Variants in TECTA observed in about 807,000 individuals in gnomAD.
TECTA encodes the protein alpha-tectorin.
Under a neutral mutation model 216.8 loss-of-function variants are expected in TECTA, and 128 were observed. That is an observed-to-expected ratio of 0.59 (90% CI 0.51 to 0.68). The LOEUF is 0.68. Among genes scored for constraint, TECTA ranks in the 30% least tolerant of loss-of-function variants. TECTA has a pLI of 0.00. For synonymous variants in TECTA, 1,089 were observed against 1,117.1 expected (o/e 0.97, Z 0.50); for missense variants, 2,551 against 2,786.2 (o/e 0.92, Z 1.90).
chr11:121,168,216 A>G lies in TECTA; in HGVS notation c.5749A>G (p.Ser1917Gly), dbSNP rs1947074938. Residue 1917 changes from serine (S) to glycine (G), a missense_variant and splice_region_variant, in exon 19 of 24, where the codon AGT (serine) becomes GGT (glycine). Around this residue, in one of 3 missense-constraint regions of TECTA, gnomAD observed 2,375 missense variants for 2,563.9 expected, o/e 0.93. Coordinates refer to ENST00000392793, the MANE Select transcript of TECTA (RefSeq NM_005422.4). ...GGATTCTGTTGTGAAGCCTATGCTA[A>G]GGTAAGGTGTCTCCTGGGCTGTGCA... ...SLDSVVKPML[S>G]VINLTVPTQE... is the part of the protein sequence containing the mutation. 1.2e-6 allele frequency: 2 copies of G among 1,614,200 alleles called. No individual in the cohort carries two copies. The highest frequency in any genetic ancestry group is 1.7e-6 in the Non-Finnish European group (2 of 1,179,994).
In TECTA at chr11:121,187,991, A is replaced by T. The variant is rs1306981710; in HGVS notation, c.6159A>T (p.Lys2053Asn). 6.2e-7 allele frequency: 1 copy of T among 1,614,160 alleles called. No individual in the cohort carries two copies. The highest frequency in any genetic ancestry group is 8.5e-7 in the Non-Finnish European group (1 of 1,180,044). The change falls in exon 21 of 24, where the codon AAA (lysine) becomes AAT (asparagine). Residue 2053 changes from lysine (K) to asparagine (N), a missense_variant. Physicochemically the swap from Lys to Asn is moderately conservative, Grantham distance 94. Around this residue, in one of 3 missense-constraint regions of TECTA, gnomAD observed 58 missense variants for 105.9 expected, o/e 0.55. Transcript: ENST00000392793. The part of the protein sequence containing the change: ...SLCDSEKYSC[K>N]ITCPHNSRIA... The stretch of plus-strand genomic sequence containing the variant: ...GCGACTCAGAAAAGTACTCCTGTAA[A>T]ATCGTAAGTGAGAGTGTGAAAACAA...
intron 13 of TECTA, among the ~76,000 whole-genome samples, chr11:121,155,287 C>T (rs1274003300): frequency 1.3e-5 from 2 of 152,214 alleles, no homozygotes; most frequent in Non-Finnish European, 2.9e-5. Context: ...GTTATTTACC[C>T]TTTATCGTAT....
Position 121,137,943 on chromosome 11 carries a change from C to T in TECTA, c.3464C>T (p.Ala1155Val), listed in dbSNP as rs905414151. The T allele has an allele frequency of 1.2e-6, 2 of 1,611,162 alleles. No homozygotes were observed. The highest frequency in any genetic ancestry group is 4.5e-5 in the East Asian group (2 of 44,734). ...AATGAGGACCGGGACCCGTCACTGG[C>T]CTTGTGGGTTAAGCAGGTGGACGTG... ...AKNEDRDPSL[A>V]LWVKQVDVTV... The change falls in exon 11 of 24, where the codon GCC becomes GTC. Residue 1155 changes from alanine (A) to valine (V), a missense_variant. This residue lies in a region of TECTA where 2,375 missense variants were observed against 2,563.9 expected (regional missense o/e 0.93). Transcript: ENST00000392793.
At chr11:121,115,333 A>G (rs1318372805) in intron 6 of TECTA, among the ~76,000 whole-genome samples, 1 of 152,196 alleles carries the variant, frequency 6.6e-6, no homozygotes, top group Non-Finnish European at 1.5e-5. Flanking sequence ...TAAGAGCCCC[A>G]TTGAAATGCC....
intron 3 of TECTA, among the ~76,000 whole-genome samples, chr11:121,108,530 A>G (rs551412108): frequency 5.8e-5 from 8 of 137,346 alleles, no homozygotes; most frequent in Admixed American, 4.3e-4. Flanking sequence ...ACACACTCCA[A>G]TATACACACA....
chr11:121,118,633 C>T lies in TECTA; in HGVS notation c.1118C>T (p.Ser373Leu), dbSNP rs1322690230. The change falls in exon 7 of 24, where the codon TCA (serine) becomes TTA (leucine). Residue 373 changes from serine (S) to leucine (L), a missense_variant. This residue lies in a region of TECTA where 2,375 missense variants were observed against 2,563.9 expected (regional missense o/e 0.93). Transcript: ENST00000392793. ...GCCAAGAATGAACACCGCAGAGGTTCAGCCGTCTCCTGGGTGAAGGAGCTC... is the reference window on the plus strand; with the variant it reads ...GCCAAGAATGAACACCGCAGAGGTTTAGCCGTCTCCTGGGTGAAGGAGCTC... ...VEAKNEHRRG[S>L]AVSWVKELSV... The T allele has an allele frequency of 1.2e-6, 2 of 1,613,966 alleles. No individual in the cohort carries two copies. The highest frequency in any genetic ancestry group is 8.5e-7 in the Non-Finnish European group (1 of 1,180,006).
intron 18 of TECTA, among the ~76,000 whole-genome samples, 183 bp downstream of exon 18, chr11:121,166,963 T>C (rs888658181): frequency 4.6e-5 from 7 of 152,242 alleles, no homozygotes; most frequent in African/African-American, 1.7e-4. Context: ...TGCTAAGTGA[T>C]TGACGGAGTT....
chr11:121,135,769 G>C (rs143012583), intron 10 of TECTA, among the ~76,000 whole-genome samples: 2 of 152,342 alleles, frequency 1.3e-5, no homozygotes, highest in Non-Finnish European at 2.9e-5. Flanking sequence ...TTAAAGGCGA[G>C]ATCTTATTTT....
chr11:121,180,318 GA>G (rs1343851103), intron 20 of TECTA, among the ~76,000 whole-genome samples: 1 of 152,114 alleles, frequency 6.6e-6, no homozygotes, highest in East Asian at 1.9e-4. Context: ...GCCTGGTGGT[GA>G]ATTCCCTCAG....
rs1374827698 is a variant in TECTA, at chr11:121,129,873, C to T, written c.2603C>T (p.Thr868Met). The T allele has an allele frequency of 5.0e-6, 8 of 1,614,108 alleles. No individual in the cohort carries two copies. The African/African-American group carries it at 5.3e-5, about 11-fold the overall frequency. ...TTCTGTCTCCCCAACGGCAAGTGCA[C>T]GGACAACCTGGCAGTGTTCCTGGAA... ...DEFCLPNGKC[T>M]DNLAVFLESW... Residue 868 changes from threonine to methionine, a missense_variant, in exon 10 of 24, where the codon ACG (threonine) becomes ATG (methionine). By Grantham distance (81) the Thr-to-Met change is moderately conservative. This residue lies in a region of TECTA where 2,375 missense variants were observed against 2,563.9 expected (regional missense o/e 0.93). Transcript: ENST00000392793.
At chr11:121,155,103 G>T (rs1344662117) in intron 13 of TECTA, among the ~76,000 whole-genome samples, 1 of 152,146 alleles carries the variant, frequency 6.6e-6, no homozygotes, top group Non-Finnish European at 1.5e-5. Context: ...AGTGCCTGGG[G>T]ACTTGTTCAT....
intron 3 of TECTA, among the ~76,000 whole-genome samples, chr11:121,106,669 G>T (rs1403618711): frequency 6.6e-6 from 1 of 152,144 alleles, no homozygotes; most frequent in African/African-American, 2.4e-5. Flanking sequence ...CTGGGTGAGG[G>T]ATTATACCAC....
intron 22 of TECTA, among the ~76,000 whole-genome samples, chr11:121,189,452 C>A (rs1380656073): frequency 1.3e-5 from 2 of 151,780 alleles, no homozygotes; most frequent in South Asian, 2.1e-4. Context: ...TGGCTCACTG[C>A]AAGCTCCGCC....
intron 18 of TECTA, 136 bp from the exon 19 acceptor site, chr11:121,167,918 C>T (rs1947071088): frequency 1.0e-6 from 1 of 984,216 alleles, no homozygotes; most frequent in African/African-American, 1.6e-5. Context: ...AAGGCTAGCT[C>T]CATGCTGATT....
At chr11:121,154,072 G>C (rs1176600726) in intron 13 of TECTA, among the ~76,000 whole-genome samples, 1 of 152,148 alleles carries the variant, frequency 6.6e-6, no homozygotes, top group Non-Finnish European at 1.5e-5. Context: ...CAAGAGATCA[G>C]TTACAAAATA....
At chr11:121,162,978 TAGG>T (rs912288405) in intron 16 of TECTA, among the ~76,000 whole-genome samples, 37 of 152,354 alleles carry the variant, frequency 2.4e-4, no homozygotes, top group African/African-American at 7.7e-4. Context: ...GTTAATCAAA[TAGG>T]AGAACAATTA....
intron 17 of TECTA, among the ~76,000 whole-genome samples, chr11:121,165,706 A>G (rs374880407): frequency 1.5e-4 from 23 of 152,320 alleles, no homozygotes; most frequent in African/African-American, 5.3e-4. Context: ...AATAATTAGG[A>G]CGAATGTTAT....
rs1370738313 is a variant in TECTA at position 121,165,362 on chromosome 11, G to C, written c.5362G>C (p.Glu1788Gln). ...GNGRELCGCI[E>Q]PPPYGNNSHD... The stretch of plus-strand genomic sequence containing the variant: ...TGGCAGGGAGCTGTGTGGCTGCATC[G>C]AGCCACCCCCCTATGGAAATAGTGA... Residue 1788 changes from glutamate to glutamine, a missense_variant, in exon 17 of 24, where the codon GAG becomes CAG. By Grantham distance (29) the Glu-to-Gln change is conservative. Transcript: ENST00000392793. The C allele has an allele frequency of 1.3e-6, 2 of 1,597,210 alleles. No homozygotes were observed. The highest frequency in any genetic ancestry group is 3.3e-4 in the Middle Eastern group (2 of 6,042).
intron 20 of TECTA, among the ~76,000 whole-genome samples, chr11:121,170,163 G>A (rs1383255019): frequency 6.6e-6 from 1 of 152,096 alleles, no homozygotes; most frequent in Admixed American, 6.6e-5. Context: ...TTCTGACCAT[G>A]TTGTTGCAAA....
Sources: gnomAD v4.1 joint callset for allele counts (sites outside exome capture counted in the v4.1 genomes callset) on GRCh38, gnomAD v4.1.1 for gene constraint, gnomAD v4.1.1 regional missense constraint, MANE v1.5 for transcripts, NCBI Gene and HGNC (gene_info 2026-07-23, HGNC 2026-07-21) for gene names.